ROBO2: variants seen among roughly 807,000 people sequenced by gnomAD.
The protein encoded by ROBO2 is roundabout guidance receptor 2.
In ROBO2, 53 loss-of-function variants were observed where a neutral mutation model predicts 160.8. The ratio of observed to expected loss-of-function variants is 0.33; its 90% CI spans 0.26 to 0.41. ROBO2 has a LOEUF of 0.41. ROBO2 is among the 10% of genes least tolerant of loss of function. The pLI, the probability that ROBO2 is intolerant of heterozygous loss-of-function variation, is 1.00. For missense variants in ROBO2, 1,577 were observed against 1,722.4 expected (o/e 0.92, Z 1.49); for synonymous variants, 664 against 611.7 (o/e 1.09, Z -1.26).
chr3:76,918,923 G>T (rs1164094524), intron 2 of ROBO2, among the ~76,000 whole-genome samples: 3 of 151,400 alleles, frequency 2.0e-5, no homozygotes, highest in Non-Finnish European at 4.4e-5. Flanking sequence ...GATCAGTGAT[G>T]TTGAGCTTTT....
At chr3:77,029,876 C>G (rs2063203283) in intron 2 of ROBO2, among the ~76,000 whole-genome samples, 3 of 151,774 alleles carry the variant, frequency 2.0e-5, no homozygotes, top group Admixed American at 1.3e-4. Flanking sequence ...AATAAGGTTT[C>G]TTTATTAATT....
intron 2 of ROBO2, among the ~76,000 whole-genome samples, chr3:76,913,865 G>A (rs1347174128): frequency 6.6e-6 from 1 of 151,886 alleles, no homozygotes; most frequent in African/African-American, 2.4e-5. Context: ...TACTCCTTTA[G>A]AGGAGTAACT....
intron 1 of ROBO2, among the ~76,000 whole-genome samples, chr3:77,081,520 C>T (rs1160635486): frequency 6.6e-6 from 1 of 152,164 alleles, no homozygotes; most frequent in East Asian, 1.9e-4. Context: ...ACATCAAATC[C>T]TGTGATGCAA....
chr3:77,623,792 A>G (rs2153706974), intron 23 of ROBO2, among the ~76,000 whole-genome samples: 1 of 152,338 alleles, frequency 6.6e-6, no homozygotes, highest in East Asian at 1.9e-4. Context: ...ATATTTCACT[A>G]ATGATACTGA....
intron 2 of ROBO2, among the ~76,000 whole-genome samples, chr3:77,362,382 A>G (rs2070157200): frequency 1.3e-5 from 2 of 152,146 alleles, no homozygotes; most frequent in Non-Finnish European, 2.9e-5. Context: ...AGAAAGATTC[A>G]AACTAAACCA....
At chr3:77,223,264 C>T (rs185806186) in intron 2 of ROBO2, among the ~76,000 whole-genome samples, 9 of 152,092 alleles carry the variant, frequency 5.9e-5, no homozygotes, top group Non-Finnish European at 1.0e-4. Flanking sequence ...TCTGTACCTT[C>T]ATTGATTTTT....
At chr3:76,628,238 A>G (rs747220261) in intron 2 of ROBO2, among the ~76,000 whole-genome samples, 1 of 151,876 alleles carries the variant, frequency 6.6e-6, no homozygotes, top group African/African-American at 2.4e-5. Flanking sequence ...GATAAAAACA[A>G]CGTGTGTTTT....
intron 2 of ROBO2, among the ~76,000 whole-genome samples, chr3:76,223,011 T>TC (rs937377334): frequency 6.6e-6 from 1 of 151,886 alleles, no homozygotes; most frequent in Non-Finnish European, 1.5e-5. Flanking sequence ...CGCCTCAGCC[T>TC]CCCAAAGTGC....
chr3:76,755,551 C>A (rs942223055), intron 2 of ROBO2, among the ~76,000 whole-genome samples: 6 of 151,868 alleles, frequency 4.0e-5, no homozygotes, highest in African/African-American at 1.4e-4. Flanking sequence ...GGCAATCCAC[C>A]TGTTCCTGTC....
Position 76,646,031 on chromosome 3 carries a change from T to C in ROBO2, c.110-451983T>C, listed in dbSNP as rs191699261. Among the ~76,000 whole-genome samples the C allele has an allele frequency of 3.5e-4, 54 of 152,310 alleles. 1 individual carries two copies. Among genetic ancestry groups the C allele is most frequent in the Admixed American group, 2.9e-3 (44 of 15,298 alleles). On this transcript the variant is annotated intron_variant, in intron 2 of 26. Transcript: ENST00000487694. ...TGAGTTGGGCTTGGGTCAGAGAGTC[T>C]GAAATGCTGGGCTAAGTGTTCGAGA...
chr3:76,981,593 T>G (rs1473297905), intron 2 of ROBO2, among the ~76,000 whole-genome samples: 1 of 152,206 alleles, frequency 6.6e-6, no homozygotes, highest in Non-Finnish European at 1.5e-5. Flanking sequence ...TTTCTAATAT[T>G]CTGTGGGTTT....
intron 2 of ROBO2, among the ~76,000 whole-genome samples, chr3:76,555,143 T>C (rs1413616687): frequency 6.6e-6 from 1 of 152,084 alleles, no homozygotes; most frequent in African/African-American, 2.4e-5. Context: ...ATTGAAGTAA[T>C]ATAAAAATCC....
chr3:77,010,618 C>T (rs1186809704), intron 2 of ROBO2, among the ~76,000 whole-genome samples: 1 of 152,086 alleles, frequency 6.6e-6, no homozygotes, highest in Non-Finnish European at 1.5e-5. Context: ...GACCTTTACC[C>T]GTGGTGTTCC....
At chr3:76,927,600 T>G (rs1577551422) in intron 2 of ROBO2, among the ~76,000 whole-genome samples, 1 of 152,334 alleles carries the variant, frequency 6.6e-6, no homozygotes, top group Non-Finnish European at 1.5e-5. Context: ...GCATAAGAAT[T>G]ATTTTCATTG....
At chr3:76,386,701 T>G (rs2076907899) in intron 2 of ROBO2, among the ~76,000 whole-genome samples, 1 of 151,980 alleles carries the variant, frequency 6.6e-6, no homozygotes, top group Admixed American at 6.6e-5. Flanking sequence ...AAAGGGAGTT[T>G]AAAATACAAG....
chr3:77,157,515 G>A (rs2078123569), intron 2 of ROBO2, among the ~76,000 whole-genome samples: 1 of 152,018 alleles, frequency 6.6e-6, no homozygotes, highest in Non-Finnish European at 1.5e-5. Flanking sequence ...TGTGGGAGTG[G>A]AGCAGTTCTT....
intron 2 of ROBO2, among the ~76,000 whole-genome samples, chr3:76,928,921 G>A (rs966149955): frequency 1.6e-4 from 25 of 152,048 alleles, no homozygotes; most frequent in African/African-American, 5.6e-4. Context: ...TCAACTGCCC[G>A]TGGGTTGCTC....
At chr3:77,140,066 A>T (rs762955341) in intron 2 of ROBO2, among the ~76,000 whole-genome samples, 1 of 152,198 alleles carries the variant, frequency 6.6e-6, no homozygotes, top group African/African-American at 2.4e-5. Context: ...TTCCAGGCAG[A>T]TTTTTGTAAT....
At chr3:76,361,373 A>G (rs953446167) in intron 2 of ROBO2, among the ~76,000 whole-genome samples, 3 of 152,136 alleles carry the variant, frequency 2.0e-5, no homozygotes, top group African/African-American at 7.2e-5. Flanking sequence ...AATAACAGAA[A>G]GTACTATTTA....
Sources: allele counts gnomAD v4.1 joint callset (sites outside exome capture counted in the v4.1 genomes callset), GRCh38; gene constraint gnomAD v4.1.1; transcripts MANE v1.5; gene names NCBI Gene and HGNC (gene_info 2026-07-23, HGNC 2026-07-21).